The following CAMK4 variants were observed in gnomAD, a reference collection of about 807,000 sequenced individuals.
CAMK4 encodes the protein calcium/calmodulin-dependent protein kinase type IV.
CAMK4 carries 22 observed loss-of-function variants against 44.9 expected under a neutral mutation model. The ratio of observed to expected loss-of-function variants is 0.49; its 90% CI spans 0.35 to 0.70. CAMK4 has a LOEUF of 0.70. Ranked by LOEUF, CAMK4 falls within the 30% of genes least tolerant of loss-of-function variation. The pLI is 0.01. For synonymous variants in CAMK4, 218 were observed against 215.4 expected (o/e 1.01, Z -0.11); for missense variants, 498 against 586.8 (o/e 0.85, Z 1.56).
chr5:111,368,432 G>A (rs1283997685), intron 2 of CAMK4, among the ~76,000 whole-genome samples: 1 of 152,158 alleles, frequency 6.6e-6, no homozygotes, highest in Non-Finnish European at 1.5e-5. Flanking sequence ...CTTCTGTAAT[G>A]AGAAGAATAT....
chr5:111,286,188 C>G (rs1043090189), intron 1 of CAMK4, among the ~76,000 whole-genome samples: 1 of 152,158 alleles, frequency 6.6e-6, no homozygotes, highest in African/African-American at 2.4e-5. Context: ...TACAGAGCAG[C>G]CTGCACATAT....
upstream of CAMK4, chr5:111,223,606 C>A (rs1748025900): frequency 1.3e-5 from 2 of 152,294 alleles, no homozygotes; most frequent in South Asian, 4.1e-4. The surrounding 1 kb of genome is among the most constrained non-coding windows in gnomAD (Gnocchi z 4.3). Flanking sequence ...GAACTCGACA[C>A]AGCCAAGTAT....
At chr5:111,236,928 G>A (rs1748757311) in intron 1 of CAMK4, among the ~76,000 whole-genome samples, 1 of 152,130 alleles carries the variant, frequency 6.6e-6, no homozygotes, top group Non-Finnish European at 1.5e-5. Context: ...GAGGAATTAG[G>A]CAAATAGCTG....
chr5:111,389,764 T>C (rs1430796811), intron 4 of CAMK4, among the ~76,000 whole-genome samples: 1 of 152,224 alleles, frequency 6.6e-6, no homozygotes, highest in Admixed American at 6.5e-5. Flanking sequence ...ACAGCTATTC[T>C]TCTCCATCAT....
At chr5:111,300,380 G>A (rs1747670283) in intron 1 of CAMK4, among the ~76,000 whole-genome samples, 1 of 152,164 alleles carries the variant, frequency 6.6e-6, no homozygotes, top group Non-Finnish European at 1.5e-5. Context: ...TCTTCCTCTA[G>A]TTGTTCAAGT....
intron 8 of CAMK4, among the ~76,000 whole-genome samples, chr5:111,478,109 AATT>A (rs1268295034): frequency 6.6e-5 from 10 of 151,116 alleles, no homozygotes; most frequent in South Asian, 2.1e-4. Flanking sequence ...TTATAATAAT[AATT>A]ATTATTACAC....
chr5:111,421,914 G>A (rs924065654), intron 5 of CAMK4, among the ~76,000 whole-genome samples: 3 of 152,136 alleles, frequency 2.0e-5, no homozygotes, highest in African/African-American at 7.2e-5. Flanking sequence ...GTTTTATAAA[G>A]GACGGTTCGC....
intron 7 of CAMK4, among the ~76,000 whole-genome samples, chr5:111,459,717 C>T (rs542875867): frequency 1.9e-5 from 2 of 106,250 alleles, no homozygotes; most frequent in East Asian, 5.6e-4. Context: ...TTTTTTGAGA[C>T]GGAGCCTCGC....
In CAMK4 at chr5:111,484,235, G is replaced by T. The variant is rs753136493; in HGVS notation, c.1191G>T (p.Val397=). 8.7e-6 allele frequency: 14 copies of T among 1,614,106 alleles called. No individual in the cohort carries two copies. The highest frequency in any genetic ancestry group is 1.2e-5 in the Non-Finnish European group (14 of 1,180,004). The change falls in exon 11 of 11, where the codon GTG becomes GTT. Residue 397 remains valine, a synonymous_variant. Coordinates refer to ENST00000282356, the MANE Select transcript of CAMK4 (RefSeq NM_001744.6). This position sits in a 1 kb window ranked among gnomAD's most constrained non-coding sequence, Gnocchi z 5.3. Reference sequence around the variant, plus strand: ...GGGCACAGGCTGAGCTGATGAAGGTGCAAGCCTTAGAGAAAGTTAAAGGTG... The same window carrying T: ...GGGCACAGGCTGAGCTGATGAAGGTTCAAGCCTTAGAGAAAGTTAAAGGTG... ...VKGAQAELMK[V]QALEKVKGAD...
chr5:111,421,718 T>C (rs1753038359), intron 5 of CAMK4, among the ~76,000 whole-genome samples: 1 of 152,176 alleles, frequency 6.6e-6, no homozygotes, highest in Non-Finnish European at 1.5e-5. Flanking sequence ...TTCATGATTT[T>C]TAATGATTAT....
intron 5 of CAMK4, among the ~76,000 whole-genome samples, chr5:111,395,149 G>T (rs1751950567): frequency 6.9e-6 from 1 of 144,752 alleles, no homozygotes; most frequent in South Asian, 2.2e-4. Flanking sequence ...GTGGGGAGTT[G>T]CAGTGAGCCA....
At chr5:111,326,345 C>A (rs1748886897) in intron 1 of CAMK4, among the ~76,000 whole-genome samples, 1 of 151,766 alleles carries the variant, frequency 6.6e-6, no homozygotes. Flanking sequence ...ATTCAACAAA[C>A]TAAATTAAAT....
At chr5:111,439,607 C>T (rs192197265) in intron 5 of CAMK4, among the ~76,000 whole-genome samples, 1 of 152,156 alleles carries the variant, frequency 6.6e-6, no homozygotes, top group African/African-American at 2.4e-5. Flanking sequence ...ACTGGAGCAC[C>T]AATGAAACAT....
At chr5:111,317,720 C>T (rs1240254980) in intron 1 of CAMK4, among the ~76,000 whole-genome samples, 1 of 151,856 alleles carries the variant, frequency 6.6e-6, no homozygotes, top group Non-Finnish European at 1.5e-5. Flanking sequence ...GGGCATGTGT[C>T]CTGTACAGCC....
intron 7 of CAMK4, among the ~76,000 whole-genome samples, chr5:111,463,445 G>A (rs574332456): frequency 6.6e-6 from 1 of 152,308 alleles, no homozygotes; most frequent in South Asian, 2.1e-4. Flanking sequence ...CCTCTTGGGA[G>A]CTCTAGGCTC....
At chr5:111,291,016 G>A (rs1015555951) in intron 1 of CAMK4, among the ~76,000 whole-genome samples, 1 of 152,136 alleles carries the variant, frequency 6.6e-6, no homozygotes, top group Non-Finnish European at 1.5e-5. Flanking sequence ...CTTGTGGTTT[G>A]TGTATACATA....
chr5:111,357,372 A>G (rs1750407782), intron 2 of CAMK4, among the ~76,000 whole-genome samples: 1 of 152,148 alleles, frequency 6.6e-6, no homozygotes, highest in African/African-American at 2.4e-5. Flanking sequence ...AGGAGAGCTG[A>G]GAGAGCCAGA....
intron 1 of CAMK4, among the ~76,000 whole-genome samples, chr5:111,292,983 A>C (rs1340234084): frequency 6.6e-6 from 1 of 152,196 alleles, no homozygotes; most frequent in African/African-American, 2.4e-5. Context: ...TTAATGCTTG[A>C]ATGAAGCAAT....
At chr5:111,282,520 T>C (rs1318092230) in intron 1 of CAMK4, among the ~76,000 whole-genome samples, 1 of 152,196 alleles carries the variant, frequency 6.6e-6, no homozygotes, top group African/African-American at 2.4e-5. Context: ...TGACCCTTAA[T>C]TCCGAATTTT....
Sources: allele counts gnomAD v4.1 joint callset (sites outside exome capture counted in the v4.1 genomes callset), GRCh38; gene constraint gnomAD v4.1.1; non-coding constraint Gnocchi (gnomAD v3.1); transcripts MANE v1.5; gene names NCBI Gene and HGNC (gene_info 2026-07-23, HGNC 2026-07-21).